PPP1CC: variants seen among roughly 807,000 people sequenced by gnomAD.
The protein encoded by PPP1CC is protein phosphatase 1 catalytic subunit gamma, also known as serine/threonine-protein phosphatase PP1-gamma catalytic subunit.
In PPP1CC, 16 loss-of-function variants were observed where a neutral mutation model predicts 38.4. The observed-to-expected ratio is 0.42, with a 90% CI of 0.28 to 0.63. The LOEUF (loss-of-function observed/expected upper bound fraction) is 0.63. Ranked by LOEUF, PPP1CC falls within the 30% of genes least tolerant of loss-of-function variation. The probability of loss-of-function intolerance (pLI) is 0.25; values close to 1 mark genes in which losing one functional copy is unlikely to be tolerated. For synonymous variants in PPP1CC, 158 were observed against 136.0 expected (o/e 1.16, Z -1.13); for missense variants, 170 against 391.3 (o/e 0.43, Z 4.77).
the PPP1CC span, among the ~76,000 whole-genome samples, chr12:110,711,298 C>T: frequency 6.6e-6 from 1 of 152,108 alleles, no homozygotes; most frequent in South Asian, 2.1e-4. Flanking sequence ...CCTATAATCC[C>T]AGCTACTTGG....
intron 3 of PPP1CC, among the ~76,000 whole-genome samples, chr12:110,729,767 T>A (rs954554972): frequency 6.6e-6 from 1 of 152,214 alleles, no homozygotes; most frequent in Non-Finnish European, 1.5e-5. Flanking sequence ...AGTAGATTAG[T>A]GGTTGCCTGG....
At position 110,736,656 on chromosome 12, in the gene PPP1CC, T is replaced by C. The variant is rs573318269; in HGVS notation, c.56-4755A>G. Among the ~76,000 whole-genome samples, 8 of 152,128 alleles carry C rather than the reference T, an allele frequency of 5.3e-5. No homozygotes were observed. The South Asian group carries it at 1.7e-3, about 32-fold the overall frequency. ...GAGATCCTGTCTCAAAAAATATAAA[T>C]AAATAAAATAGCATTGGTGATTATT... On this transcript the variant is annotated intron_variant, in intron 1 of 6. Coordinates refer to ENST00000335007, the MANE Select transcript of PPP1CC (RefSeq NM_002710.4).
intron 1 of PPP1CC, among the ~76,000 whole-genome samples, chr12:110,736,310 C>T (rs1332042670): frequency 6.6e-6 from 1 of 152,172 alleles, no homozygotes; most frequent in African/African-American, 2.4e-5. Context: ...AAAACTTCCA[C>T]ACATTTTTAT....
intron 3 of PPP1CC, among the ~76,000 whole-genome samples, chr12:110,727,838 T>C (rs1339157926): frequency 6.6e-6 from 1 of 152,180 alleles, no homozygotes; most frequent in Admixed American, 6.6e-5. Context: ...TGGCAAATTA[T>C]ATCTGCCTGA....
chr12:110,734,897 GA>G lies in PPP1CC; in HGVS notation c.56-2997del, dbSNP rs199763943. ...GCTGGTTACTGCGGAGGCTGAGGCA[GA>G]AGAATCGCTTGAACCCGGGAGGTGG... On this transcript the variant is annotated intron_variant, in intron 1 of 6. Coordinates refer to ENST00000335007, the MANE Select transcript of PPP1CC (RefSeq NM_002710.4). The G allele has an allele frequency of 8.5e-3, 1,243 of 146,564 alleles. 28 individuals are homozygous for G. Among genetic ancestry groups the G allele is most frequent in the African/African-American group, 0.03 (1,192 of 39,710 alleles). 9.1% of individuals were successfully genotyped at this position (146,564 alleles called of 1,614,324 possible). A position where few individuals can be genotyped will look rare whatever the true frequency, so the allele number is the denominator to read the frequency against.
intron 1 of PPP1CC, among the ~76,000 whole-genome samples, chr12:110,741,476 A>G (rs1364848931): frequency 6.6e-6 from 1 of 152,218 alleles, no homozygotes; most frequent in Non-Finnish European, 1.5e-5. Context: ...AGTCTTGGAT[A>G]AGATGTTAGC....
In PPP1CC at chr12:110,721,064, T is replaced by G. The variant is rs2069733452; in HGVS notation, c.*12A>C. Reference sequence around the variant, plus strand: ...TGTTACAAGTCCCGACTAGGCAGTGTCAAAACGACATCTATTTCTTTGCTT... The same window carrying G: ...TGTTACAAGTCCCGACTAGGCAGTGGCAAAACGACATCTATTTCTTTGCTT... On this transcript the variant is annotated 3_prime_UTR_variant, in exon 7 of 7. Transcript: ENST00000335007. 6.2e-7 allele frequency: 1 copy of G among 1,612,628 alleles called. No individual in the cohort carries two copies. The highest frequency in any genetic ancestry group is 8.5e-7 in the Non-Finnish European group (1 of 1,178,772).
At chr12:110,712,532 C>T in the PPP1CC span, among the ~76,000 whole-genome samples, 1 of 143,186 alleles carries the variant, frequency 7.0e-6, no homozygotes, top group Non-Finnish European at 1.5e-5. Flanking sequence ...TCCAGGTACT[C>T]GGGAGGCTGA....
At chr12:110,709,002 C>T in the PPP1CC span, among the ~76,000 whole-genome samples, 1 of 151,804 alleles carries the variant, frequency 6.6e-6, no homozygotes, top group African/African-American at 2.4e-5. Context: ...GCAGAGAATC[C>T]CATGGATAAA....
intron 4 of PPP1CC, among the ~76,000 whole-genome samples, chr12:110,723,055 C>A (rs2069757830): frequency 1.3e-5 from 2 of 152,206 alleles, no homozygotes; most frequent in South Asian, 4.1e-4. Context: ...CTTATAATGA[C>A]TGAGCTGAGA....
chr12:110,738,099 C>G (rs935751207), intron 1 of PPP1CC, among the ~76,000 whole-genome samples: 4 of 152,142 alleles, frequency 2.6e-5, no homozygotes, highest in African/African-American at 9.7e-5. Flanking sequence ...ACTGAGTAGA[C>G]TACATTTTGA....
Position 110,742,593 on chromosome 12 carries a change from C to G in PPP1CC, c.55+60G>C. 31 of 1,360,818 alleles carry G rather than the reference C, an allele frequency of 2.3e-5. No individual in the cohort carries two copies. The South Asian group carries it at 4.6e-4, about 20-fold the overall frequency. The allele number at this position is 1,360,818 out of a possible 1,614,324, so 84.3% of individuals were successfully genotyped here. ...TCCCAACTCCCCTCCCTCGAGCCCCCGGGGCCGCCTGCCGCCCTCAGGCCC... is the reference window on the plus strand; with the variant it reads ...TCCCAACTCCCCTCCCTCGAGCCCCGGGGGCCGCCTGCCGCCCTCAGGCCC... On this transcript the variant is annotated intron_variant, in intron 1 of 6. Transcript: ENST00000335007.
At chr12:110,728,355 C>T (rs141918749) in intron 3 of PPP1CC, among the ~76,000 whole-genome samples, 80 of 149,190 alleles carry the variant, frequency 5.4e-4, no homozygotes, top group Middle Eastern at 3.5e-3. Flanking sequence ...GGCGAGATCG[C>T]GCCCTGCACT....
In PPP1CC at chr12:110,720,128, A is replaced by G. The variant is rs1158162460; in HGVS notation, c.*948T>C. 1.9e-6 allele frequency: 3 copies of G among 1,547,054 alleles called. No homozygotes were observed. Among genetic ancestry groups the G allele is most frequent in the Non-Finnish European group, 2.6e-6 (3 of 1,151,864 alleles). On this transcript the variant is annotated 3_prime_UTR_variant, in exon 7 of 7. Coordinates refer to ENST00000335007, the MANE Select transcript of PPP1CC (RefSeq NM_002710.4). ...AAAGAATGTAGGCCAAAGAAAGCAT[A>G]ATCGGTCACTCGTATAGAACAGTAT...
chr12:110,724,017 T>C (rs2069767705), intron 4 of PPP1CC, among the ~76,000 whole-genome samples: 1 of 151,302 alleles, frequency 6.6e-6, no homozygotes, highest in Non-Finnish European at 1.5e-5. Flanking sequence ...GGCGGGCAGA[T>C]CACGAGGTCA....
Position 110,731,917 on chromosome 12 carries a change from C to G in PPP1CC, c.56-16G>C. On this transcript the variant is annotated splice_polypyrimidine_tract_variant and intron_variant, in intron 1 of 6. Coordinates refer to ENST00000335007, the MANE Select transcript of PPP1CC (RefSeq NM_002710.4). ...GACCCTCTCACTGCAAGAGAAAAATCGCAATTAGTCCAATGAAGCCAAAAT... is the reference window on the plus strand; with the variant it reads ...GACCCTCTCACTGCAAGAGAAAAATGGCAATTAGTCCAATGAAGCCAAAAT... The G allele has an allele frequency of 6.2e-7, 1 of 1,608,130 alleles. No individual in the cohort carries two copies. The highest frequency in any genetic ancestry group is 8.5e-7 in the Non-Finnish European group (1 of 1,175,480).
chr12:110,732,530 G>A (rs2136557096), intron 1 of PPP1CC: 1 of 152,358 alleles, frequency 6.6e-6, no homozygotes, highest in East Asian at 1.9e-4. Flanking sequence ...ATTTACCTAT[G>A]AAAAAATGTT....
At chr12:110,737,485 A>AAAAAAAAAAAAAAAAAG (rs2069958569) in intron 1 of PPP1CC, among the ~76,000 whole-genome samples, 1 of 148,784 alleles carries the variant, frequency 6.7e-6, no homozygotes, top group Non-Finnish European at 1.5e-5. Context: ...CTCAAAAAAA[A>AAAAAAAAAAAAAAAAAG]AAAAAAAAAA....
At chr12:110,711,314 C>T in the PPP1CC span, among the ~76,000 whole-genome samples, 13 of 150,450 alleles carry the variant, frequency 8.6e-5, no homozygotes, top group African/African-American at 2.7e-4. Flanking sequence ...CTTGGGAGCC[C>T]GAGGCAGGAA....
Sources: gnomAD v4.1 joint callset for allele counts (sites outside exome capture counted in the v4.1 genomes callset) on GRCh38, gnomAD v4.1.1 for gene constraint, MANE v1.5 for transcripts, NCBI Gene and HGNC (gene_info 2026-07-23, HGNC 2026-07-21) for gene names.